Variants in PLA2G5 observed in about 807,000 individuals in gnomAD.
The protein encoded by PLA2G5 is Ca2+-dependent phospholipase A2.
A neutral mutation model predicts 15.9 loss-of-function variants in PLA2G5; 12 were observed. The observed-to-expected ratio is 0.76, with a 90% CI of 0.48 to 1.23. The LOEUF (loss-of-function observed/expected upper bound fraction) is 1.23, where lower values mean the gene tolerates loss of function less well. Among genes scored for constraint, PLA2G5 ranks in the 50% most tolerant of loss-of-function variants. PLA2G5 has a pLI of 0.00. For missense variants in PLA2G5, 169 were observed against 177.1 expected (o/e 0.95, Z 0.26); for synonymous variants, 71 against 71.4 (o/e 0.99, Z 0.03).
intron 1 of PLA2G5, among the ~76,000 whole-genome samples, chr1:20,057,733 A>G (rs1376994618): frequency 2.0e-5 from 3 of 152,222 alleles, no homozygotes; most frequent in Non-Finnish European, 4.4e-5. Flanking sequence ...TCCTGACCTC[A>G]GGTGATTCAC....
At chr1:20,029,042 C>T (rs1253668849) in intron 1 of PLA2G5, among the ~76,000 whole-genome samples, 1 of 152,176 alleles carries the variant, frequency 6.6e-6, no homozygotes, top group Non-Finnish European at 1.5e-5. Flanking sequence ...TTGTGTTAAC[C>T]AGCTCAATTA....
intron 1 of PLA2G5, among the ~76,000 whole-genome samples, chr1:20,052,190 A>T (rs979988234): frequency 6.6e-6 from 1 of 151,838 alleles, no homozygotes; most frequent in African/African-American, 2.4e-5. Flanking sequence ...AAAAAAAAAA[A>T]AAAAATGGGA....
intron 1 of PLA2G5, among the ~76,000 whole-genome samples, chr1:20,056,604 G>A (rs112032935): frequency 2.2e-4 from 34 of 152,004 alleles, no homozygotes; most frequent in Non-Finnish European, 4.4e-4. Context: ...GGGCATTATT[G>A]GATTCAGTTT....
At chr1:20,085,945 C>T (rs1167327381) in intron 2 of PLA2G5, 138 bp from the exon 3 acceptor site, 15 of 782,014 alleles carry the variant, frequency 1.9e-5, no homozygotes, top group Non-Finnish European at 2.0e-6. Context: ...TCCCTTCCCA[C>T]TAATGGAGAG....
chr1:20,065,636 T>C (rs920284191), upstream of PLA2G5, among the ~76,000 whole-genome samples: 1 of 152,224 alleles, frequency 6.6e-6, no homozygotes, highest in Non-Finnish European at 1.5e-5. Flanking sequence ...CTAAATAGCA[T>C]CCCATTGTAT....
At chr1:20,080,852 G>T (rs1319755231) in intron 1 of PLA2G5, among the ~76,000 whole-genome samples, 2 of 151,834 alleles carry the variant, frequency 1.3e-5, no homozygotes, top group African/African-American at 2.4e-5. Context: ...GGTGCAGAGA[G>T]CAGGGCCGAG....
chr1:20,052,034 T>A (rs947890817), intron 1 of PLA2G5, among the ~76,000 whole-genome samples: 6 of 152,208 alleles, frequency 3.9e-5, no homozygotes, highest in Non-Finnish European at 8.8e-5. Flanking sequence ...TTATTCTTGC[T>A]GCTGCACTGT....
At chr1:20,030,067 GT>G (rs2012834578) in intron 1 of PLA2G5, among the ~76,000 whole-genome samples, 1 of 152,204 alleles carries the variant, frequency 6.6e-6, no homozygotes, top group African/African-American at 2.4e-5. Flanking sequence ...GCTATTTCTC[GT>G]CAGGTGGGAT....
intron 1 of PLA2G5, among the ~76,000 whole-genome samples, chr1:20,084,581 T>G (rs2016191340): frequency 6.6e-6 from 1 of 152,182 alleles, no homozygotes; most frequent in South Asian, 2.1e-4. Context: ...TGGCTAAAAG[T>G]GCACTGGTGG....
intron 1 of PLA2G5, among the ~76,000 whole-genome samples, chr1:20,053,569 G>GT (rs2014278309): frequency 4.1e-5 from 3 of 73,712 alleles, no homozygotes; most frequent in South Asian, 7.8e-4. Flanking sequence ...GTATTACTTT[G>GT]CGGGGGGGGG....
intron 1 of PLA2G5, among the ~76,000 whole-genome samples, chr1:20,049,152 A>G (rs1489548626): frequency 2.0e-5 from 3 of 152,182 alleles, no homozygotes; most frequent in Non-Finnish European, 2.9e-5. Context: ...AGAATCTTGT[A>G]TGGTAAATTT....
At chr1:20,078,276 G>A (rs183385109) in intron 1 of PLA2G5, among the ~76,000 whole-genome samples, 158 of 152,320 alleles carry the variant, frequency 1.0e-3, no homozygotes, top group Admixed American at 2.0e-3. Flanking sequence ...GTTCAGAGTG[G>A]GGGATGACGA....
At chr1:20,071,055 G>A (rs2100534117) in intron 1 of PLA2G5, 1 of 152,220 alleles carries the variant, frequency 6.6e-6, no homozygotes, top group African/African-American at 2.4e-5. Flanking sequence ...AGTATACGTG[G>A]CCTCAGGAGT....
intron 1 of PLA2G5, among the ~76,000 whole-genome samples, chr1:20,041,986 A>G (rs1377538706): frequency 2.6e-5 from 4 of 152,128 alleles, no homozygotes; most frequent in Non-Finnish European, 4.4e-5. Flanking sequence ...CAGCCTTGAG[A>G]AGAGTTTTTA....
In PLA2G5 at chr1:20,054,163, C is replaced by T. The variant is rs573412633; in HGVS notation, n.277-5469C>T. ...AACATGACAGTTACCTTCTTCAAGGCCACCAGGAGAATTTCTCAATTCAAT... is the reference window on the plus strand; with the variant it reads ...AACATGACAGTTACCTTCTTCAAGGTCACCAGGAGAATTTCTCAATTCAAT... On this transcript the variant is annotated intron_variant and non_coding_transcript_variant, in intron 1 of 6. Coordinates refer to the PLA2G5 transcript ENST00000460175. 2.0e-5 allele frequency among the ~76,000 whole-genome samples: 3 copies of T among 152,258 alleles called. No individual in the cohort carries two copies. The East Asian group carries it at 5.8e-4, about 29-fold the overall frequency.
intron 2 of PLA2G5, among the ~76,000 whole-genome samples, chr1:20,085,553 C>G (rs1175662856): frequency 6.6e-6 from 1 of 152,084 alleles, no homozygotes; most frequent in Non-Finnish European, 1.5e-5. Context: ...TCCCATCCTG[C>G]TTTTAGATTC....
At chr1:20,085,050 A>G (rs1163495171) in intron 2 of PLA2G5, among the ~76,000 whole-genome samples, 180 bp downstream of exon 2, 2 of 152,186 alleles carry the variant, frequency 1.3e-5, no homozygotes, top group African/African-American at 4.8e-5. Flanking sequence ...CTCATCTGGC[A>G]TGGGCTAATG....
chr1:20,085,528 A>C (rs147437178), intron 2 of PLA2G5, among the ~76,000 whole-genome samples: 1 of 151,962 alleles, frequency 6.6e-6, no homozygotes, highest in Non-Finnish European at 1.5e-5. Flanking sequence ...AACTGGCTTC[A>C]GCGATTTCTA....
chr1:20,075,691 A>T (rs1002294840), intron 1 of PLA2G5, among the ~76,000 whole-genome samples: 2 of 152,092 alleles, frequency 1.3e-5, no homozygotes, highest in African/African-American at 4.8e-5. Flanking sequence ...GGCAGATTAG[A>T]CTTAAGACTG....
Sources: allele counts gnomAD v4.1 joint callset (sites outside exome capture counted in the v4.1 genomes callset), GRCh38; gene constraint gnomAD v4.1.1; transcripts MANE v1.5; gene names NCBI Gene and HGNC (gene_info 2026-07-23, HGNC 2026-07-21).